Variants in CADM2 observed in about 807,000 individuals in gnomAD.
CADM2 encodes immunoglobulin superfamily member 4D.
CADM2 carries 12 observed loss-of-function variants against 49.8 expected under a neutral mutation model. The observed-to-expected ratio is 0.24, with a 90% CI of 0.15 to 0.39. The LOEUF is 0.39. Among genes scored for constraint, CADM2 ranks in the 10% least tolerant of loss-of-function variants. CADM2 has a pLI of 1.00. For synonymous variants in CADM2, 214 were observed against 175.4 expected (o/e 1.22, Z -1.74); for missense variants, 378 against 492.3 (o/e 0.77, Z 2.20).
At chr3:85,468,953 C>A (rs75541679) in intron 1 of CADM2, among the ~76,000 whole-genome samples, 7,698 of 152,182 alleles carry the variant, frequency 0.051, 652 homozygotes, top group African/African-American at 0.17. Flanking sequence ...ATGTATTTAC[C>A]TCTCAATTTG....
intron 1 of CADM2, among the ~76,000 whole-genome samples, chr3:85,031,257 T>C (rs527780619): frequency 1.7e-4 from 26 of 152,234 alleles, no homozygotes; most frequent in Non-Finnish European, 2.5e-4. Flanking sequence ...CAACAGGCAG[T>C]CAAAAGACAA....
chr3:85,886,064 T>A, intron 4 of CADM2, 126 bp from the exon 5 acceptor site: 1 of 1,388,260 alleles, frequency 7.2e-7, no homozygotes, highest in Non-Finnish European at 9.7e-7. Context: ...CATAGTAGTT[T>A]GTTCATCTTG....
At chr3:85,004,338 A>G (rs1423176931) in intron 1 of CADM2, among the ~76,000 whole-genome samples, 1 of 152,166 alleles carries the variant, frequency 6.6e-6, no homozygotes, top group Non-Finnish European at 1.5e-5. Context: ...GGCCACACCT[A>G]AGCTGACTCA....
At chr3:85,631,166 A>T (rs994068625) in intron 1 of CADM2, among the ~76,000 whole-genome samples, 8 of 151,852 alleles carry the variant, frequency 5.3e-5, no homozygotes, top group Non-Finnish European at 1.0e-4. Context: ...TTTTCATTTG[A>T]TGTCTCACCT....
intron 8 of CADM2, among the ~76,000 whole-genome samples, chr3:85,977,743 A>G (rs1347757454): frequency 1.3e-5 from 2 of 151,470 alleles, no homozygotes; most frequent in Non-Finnish European, 3.0e-5. Flanking sequence ...GGCTTTACCC[A>G]TTTTCCCTAG....
chr3:85,012,606 AATAAG>A (rs1391786569), intron 1 of CADM2, among the ~76,000 whole-genome samples: 13 of 150,984 alleles, frequency 8.6e-5, no homozygotes, highest in South Asian at 2.1e-4. Context: ...TGTGTTCAGT[AATAAG>A]ATAACACATA....
intron 1 of CADM2, among the ~76,000 whole-genome samples, chr3:85,658,788 C>T (rs1218790432): frequency 1.3e-5 from 2 of 150,346 alleles, no homozygotes. Flanking sequence ...TGGTAACACA[C>T]ACCTGTAATT....
chr3:85,873,588 C>T (rs1170346413), intron 3 of CADM2, among the ~76,000 whole-genome samples: 4 of 152,066 alleles, frequency 2.6e-5, no homozygotes, highest in African/African-American at 9.7e-5. Flanking sequence ...ATCGCTGGAA[C>T]CAGGGAGGCA....
intron 1 of CADM2, among the ~76,000 whole-genome samples, chr3:85,604,454 T>C (rs531247747): frequency 1.4e-4 from 21 of 152,072 alleles, no homozygotes; most frequent in South Asian, 8.3e-4. Context: ...CATCACGACA[T>C]GCTGTATTAG....
chr3:85,790,750 C>G (rs1419654784), intron 2 of CADM2, among the ~76,000 whole-genome samples: 2 of 152,178 alleles, frequency 1.3e-5, no homozygotes, highest in Non-Finnish European at 2.9e-5. Flanking sequence ...GAAAGCCCTT[C>G]CAACCTTTTC....
At chr3:85,549,868 G>A (rs893499578) in intron 1 of CADM2, among the ~76,000 whole-genome samples, 1 of 150,816 alleles carries the variant, frequency 6.6e-6, no homozygotes, top group African/African-American at 2.4e-5. Flanking sequence ...CTGGCCACGA[G>A]TGATTTGCCC....
At chr3:85,642,014 A>C (rs1278800165) in intron 1 of CADM2, among the ~76,000 whole-genome samples, 1 of 152,120 alleles carries the variant, frequency 6.6e-6, no homozygotes, top group African/African-American at 2.4e-5. Flanking sequence ...CATCTCCTTG[A>C]CCTTCAAAAC....
At chr3:85,489,757 T>A (rs66926326) in intron 1 of CADM2, among the ~76,000 whole-genome samples, 97 of 66,034 alleles carry the variant, frequency 1.5e-3, no homozygotes, top group Admixed American at 2.2e-3. Flanking sequence ...TGTGTGTGTG[T>A]GAGAGAGAGA....
At chr3:85,531,163 T>G (rs1366278842) in intron 1 of CADM2, among the ~76,000 whole-genome samples, 1 of 152,160 alleles carries the variant, frequency 6.6e-6, no homozygotes, top group Non-Finnish European at 1.5e-5. Context: ...GAGCAGCTCT[T>G]CAGTTTTTGT....
At chr3:85,076,254 A>G (rs1200701285) in intron 1 of CADM2, among the ~76,000 whole-genome samples, 1 of 151,904 alleles carries the variant, frequency 6.6e-6, no homozygotes, top group Non-Finnish European at 1.5e-5. Context: ...AACATGAGAA[A>G]TATGATTCTA....
chr3:85,534,896 T>C (rs1356932462), intron 1 of CADM2, among the ~76,000 whole-genome samples: 6 of 152,178 alleles, frequency 3.9e-5, no homozygotes, highest in African/African-American at 7.2e-5. Context: ...TTTTGTTGTT[T>C]ATGTCAAACT....
chr3:85,807,869 G>A (rs770420727), intron 3 of CADM2, among the ~76,000 whole-genome samples: 8 of 152,084 alleles, frequency 5.3e-5, no homozygotes, highest in Non-Finnish European at 1.0e-4. Flanking sequence ...ATAAAAACAT[G>A]CATCAAATAT....
At chr3:85,409,781 C>T (rs2035573287) in intron 1 of CADM2, among the ~76,000 whole-genome samples, 1 of 151,982 alleles carries the variant, frequency 6.6e-6, no homozygotes, top group Non-Finnish European at 1.5e-5. Context: ...ATTGATTGAA[C>T]CCTGTCACTA....
At chr3:85,642,833 A>G (rs895118330) in intron 1 of CADM2, among the ~76,000 whole-genome samples, 5 of 152,332 alleles carry the variant, frequency 3.3e-5, no homozygotes, top group African/African-American at 1.2e-4. Flanking sequence ...ACCTTGTTAC[A>G]GGGTACAATT....
Sources: gnomAD v4.1 joint callset for allele counts (sites outside exome capture counted in the v4.1 genomes callset) on GRCh38, gnomAD v4.1.1 for gene constraint, MANE v1.5 for transcripts, NCBI Gene and HGNC (gene_info 2026-07-23, HGNC 2026-07-21) for gene names.